Variants in LSAMP observed in about 807,000 individuals in gnomAD.
LSAMP encodes limbic system associated membrane protein, also known as limbic system-associated membrane protein.
In LSAMP, 7 loss-of-function variants were observed where a neutral mutation model predicts 38.6. The observed-to-expected ratio is 0.18, with a 90% CI of 0.10 to 0.34. LSAMP has a LOEUF of 0.34. Among genes scored for constraint, LSAMP ranks in the 10% least tolerant of loss-of-function variants. LSAMP has a pLI of 1.00. For missense variants in LSAMP, 313 were observed against 420.0 expected, an observed-to-expected ratio of 0.75 and a Z score of 2.23; for synonymous variants, 154 against 166.8, an observed-to-expected ratio of 0.92 and a Z score of 0.59.
intron 1 of LSAMP, among the ~76,000 whole-genome samples, chr3:116,267,268 T>C (rs2046904690): frequency 6.6e-6 from 1 of 152,138 alleles, no homozygotes; most frequent in African/African-American, 2.4e-5. Context: ...TTTGAACAGA[T>C]CCATCTCTTT....
chr3:116,375,099 T>C (rs1434240537), intron 1 of LSAMP, among the ~76,000 whole-genome samples: 2 of 151,986 alleles, frequency 1.3e-5, no homozygotes, highest in Admixed American at 6.6e-5. Flanking sequence ...TGAAAATTGC[T>C]TTGAAGTCAT....
chr3:116,139,819 CTA>C (rs1168016389), intron 1 of LSAMP, among the ~76,000 whole-genome samples: 1 of 151,926 alleles, frequency 6.6e-6, no homozygotes, highest in African/African-American at 2.4e-5. Context: ...GCCAGGCACT[CTA>C]TGACTCATTT....
At chr3:116,257,054 C>T (rs147145086) in intron 1 of LSAMP, among the ~76,000 whole-genome samples, 9 of 152,138 alleles carry the variant, frequency 5.9e-5, no homozygotes, top group Admixed American at 4.6e-4. Flanking sequence ...TTTCATGGGA[C>T]GGTGTGTGCT....
intron 1 of LSAMP, among the ~76,000 whole-genome samples, chr3:116,093,559 A>G (rs1708167615): frequency 6.6e-6 from 1 of 152,234 alleles, no homozygotes; most frequent in Non-Finnish European, 1.5e-5. Flanking sequence ...GTTAATGATT[A>G]TAAGTTAGTA....
chr3:116,259,235 G>T (rs1267184367), intron 1 of LSAMP, among the ~76,000 whole-genome samples: 1 of 152,094 alleles, frequency 6.6e-6, no homozygotes, highest in Non-Finnish European at 1.5e-5. Context: ...CTTACCAACA[G>T]TGCACATGCC....
chr3:116,246,779 C>T (rs1300239708), intron 1 of LSAMP, among the ~76,000 whole-genome samples: 1 of 152,112 alleles, frequency 6.6e-6, no homozygotes, highest in African/African-American at 2.4e-5. Flanking sequence ...AGCACTTGGA[C>T]CAGTGATAAA....
At chr3:116,317,013 CATT>C (rs904328886) in intron 1 of LSAMP, among the ~76,000 whole-genome samples, 7 of 152,162 alleles carry the variant, frequency 4.6e-5, no homozygotes, top group Non-Finnish European at 8.8e-5. Context: ...CTTTGAAGAA[CATT>C]TCTGCAGCTA....
chr3:116,315,788 G>A (rs928539045), intron 1 of LSAMP, among the ~76,000 whole-genome samples: 5 of 152,128 alleles, frequency 3.3e-5, no homozygotes, highest in African/African-American at 9.7e-5. Context: ...CAGTTTTACT[G>A]AAGATAAAAT....
intron 1 of LSAMP, among the ~76,000 whole-genome samples, chr3:116,249,289 A>T (rs2046647527): frequency 1.3e-5 from 2 of 152,036 alleles, no homozygotes; most frequent in African/African-American, 2.4e-5. Flanking sequence ...TTTATCTGAT[A>T]TTTTTTTCCA....
intron 1 of LSAMP, among the ~76,000 whole-genome samples, chr3:116,132,934 C>T (rs990943704): frequency 7.2e-5 from 11 of 152,140 alleles, no homozygotes; most frequent in African/African-American, 2.2e-4. Flanking sequence ...TACACCTCTT[C>T]CGTGTTGTTA....
chr3:116,169,830 C>T (rs747234686), intron 1 of LSAMP, among the ~76,000 whole-genome samples: 1 of 152,196 alleles, frequency 6.6e-6, no homozygotes, highest in Non-Finnish European at 1.5e-5. Context: ...TTACTGACAG[C>T]GGGTCTTGTG....
intron 3 of LSAMP, among the ~76,000 whole-genome samples, chr3:115,951,884 A>T (rs548520239): frequency 2.7e-4 from 41 of 152,140 alleles, no homozygotes; most frequent in Non-Finnish European, 5.1e-4. Flanking sequence ...GTCCTTCTAG[A>T]GAACCCTAAT....
chr3:116,403,845 G>A (rs1478319830), intron 1 of LSAMP, among the ~76,000 whole-genome samples: 1 of 151,832 alleles, frequency 6.6e-6, no homozygotes, highest in African/African-American at 2.4e-5. Context: ...CAAATTCCTG[G>A]GCTCAAGCAA....
chr3:115,910,108 C>T (rs1937102044), intron 3 of LSAMP, among the ~76,000 whole-genome samples: 1 of 152,016 alleles, frequency 6.6e-6, no homozygotes, highest in East Asian at 1.9e-4. Flanking sequence ...AAACATTGTT[C>T]TTATTCCCAG....
At chr3:116,416,137 G>A (rs1050681901) in intron 1 of LSAMP, among the ~76,000 whole-genome samples, 2 of 152,056 alleles carry the variant, frequency 1.3e-5, no homozygotes, top group East Asian at 1.9e-4. Flanking sequence ...AAATGGTTCC[G>A]GGCCATTTGC....
chr3:115,970,667 G>C (rs1159171245), intron 3 of LSAMP, among the ~76,000 whole-genome samples: 1 of 152,130 alleles, frequency 6.6e-6, no homozygotes, highest in Non-Finnish European at 1.5e-5. Context: ...CTATGCATTT[G>C]AATGTATATA....
intron 1 of LSAMP, among the ~76,000 whole-genome samples, chr3:116,222,461 G>C (rs997571061): frequency 5.9e-5 from 9 of 152,080 alleles, no homozygotes; most frequent in African/African-American, 2.2e-4. Flanking sequence ...TTAAATGTGA[G>C]GTAGGAAAAA....
rs139515549 is a variant in LSAMP at position 116,412,726 on chromosome 3, G to A, written c.155+32151C>T. On this transcript the variant is annotated intron_variant, in intron 1 of 6. Transcript: ENST00000490035. ...TTGTTTAATGTTATTATTTAACATCGTTATGGTTTGGTGACTTTCTGAACC... is the reference window on the plus strand; with the variant it reads ...TTGTTTAATGTTATTATTTAACATCATTATGGTTTGGTGACTTTCTGAACC... Among the ~76,000 whole-genome samples the A allele has an allele frequency of 7.9e-5, 12 of 152,026 alleles. No homozygotes were observed. The East Asian group carries it at 1.2e-3, about 15-fold the overall frequency.
intron 1 of LSAMP, among the ~76,000 whole-genome samples, chr3:116,146,936 A>T (rs1166905060): frequency 6.6e-6 from 1 of 151,950 alleles, no homozygotes; most frequent in Non-Finnish European, 1.5e-5. Context: ...ATAGTTGGTT[A>T]TATTAACCAT....
Sources: allele counts gnomAD v4.1 joint callset (sites outside exome capture counted in the v4.1 genomes callset), GRCh38; gene constraint gnomAD v4.1.1; transcripts MANE v1.5; gene names NCBI Gene and HGNC (gene_info 2026-07-23, HGNC 2026-07-21).